Variants in RGS3 observed in about 807,000 individuals in gnomAD.
RGS3 encodes the protein regulator of G protein signaling 3, also known as regulator of G-protein signalling 3.
RGS3 carries 80 observed loss-of-function variants against 132.6 expected under a neutral mutation model. The observed-to-expected ratio is 0.60, with a 90% confidence interval of 0.50 to 0.73. The LOEUF (loss-of-function observed/expected upper bound fraction) is 0.73. Ranked by LOEUF, RGS3 falls within the 30% of genes least tolerant of loss-of-function variation. RGS3 has a pLI of 0.00. For missense variants in RGS3, 1,382 were observed against 1,530.8 expected, an observed-to-expected ratio of 0.90 and a Z score of 1.62; for synonymous variants, 598 against 620.6, an observed-to-expected ratio of 0.96 and a Z score of 0.54.
intron 1 of RGS3, among the ~76,000 whole-genome samples, chr9:113,450,895 C>G (rs1048687242): frequency 6.6e-6 from 1 of 151,726 alleles, no homozygotes; most frequent in Non-Finnish European, 1.5e-5. Flanking sequence ...TAAGGGGTCC[C>G]CAGGCCGGGC....
Position 113,565,534 on chromosome 9 carries a change from G to A in RGS3, c.2038-17916G>A, listed in dbSNP as rs997805840. 1.8e-5 allele frequency: 8 copies of A among 447,756 alleles called. No homozygotes were observed. The highest frequency in any genetic ancestry group is 2.7e-5 in the Non-Finnish European group (7 of 260,632). 27.7% of individuals were successfully genotyped at this position (447,756 alleles called of 1,614,324 possible). On this transcript the variant is annotated intron_variant, in intron 19 of 24. Coordinates refer to ENST00000350696, the Ensembl canonical transcript of RGS3. This position sits in a 1 kb window ranked among gnomAD's most constrained non-coding sequence, Gnocchi z 5.7. ...TCCTAGCAGGTATCGCTCCCCTGGG[G>A]AACTTGGGTAAGTCCATAAATAGCT...
Position 113,506,246 on chromosome 9 carries a change from A to G in RGS3, c.980-142A>G. Reference sequence around the variant, plus strand: ...AAGGCTCTTGAGAGGCACCAAGTTCAGTCCCTCATTTCACGGATGAAGAAA... The same window carrying G: ...AAGGCTCTTGAGAGGCACCAAGTTCGGTCCCTCATTTCACGGATGAAGAAA... On this transcript the variant is annotated intron_variant, in intron 11 of 24. Coordinates refer to ENST00000350696, the Ensembl canonical transcript of RGS3. This position sits in a 1 kb window ranked among gnomAD's most constrained non-coding sequence, Gnocchi z 4.7. 1 of 611,390 alleles carries G rather than the reference A, an allele frequency of 1.6e-6. No individual in the cohort carries two copies. Among genetic ancestry groups the G allele is most frequent in the Non-Finnish European group, 3.0e-6 (1 of 336,798 alleles). The allele number at this position is 611,390 out of a possible 1,614,324, so 37.9% of individuals were successfully genotyped here.
chr9:113,489,350 C>T (rs553957274), intron 7 of RGS3, among the ~76,000 whole-genome samples: 32 of 152,254 alleles, frequency 2.1e-4, no homozygotes, highest in African/African-American at 7.2e-4. Context: ...GATAGGGTGC[C>T]GTGAAAACAA....
intron 13 of RGS3, among the ~76,000 whole-genome samples, chr9:113,508,218 C>A (rs1327321950): frequency 6.6e-6 from 1 of 152,314 alleles, no homozygotes; most frequent in East Asian, 1.9e-4. Context: ...CTAATGGGGG[C>A]ACACTTTAGG....
At chr9:113,538,883 C>T (rs76851116) in intron 19 of RGS3, among the ~76,000 whole-genome samples, 4 of 152,186 alleles carry the variant, frequency 2.6e-5, no homozygotes, top group African/African-American at 9.6e-5. Flanking sequence ...TGGCATACCC[C>T]ACTTGGGCCA....
At chr9:113,462,443 G>A (rs1829498946) in intron 3 of RGS3, among the ~76,000 whole-genome samples, 1 of 152,194 alleles carries the variant, frequency 6.6e-6, no homozygotes, top group African/African-American at 2.4e-5. Flanking sequence ...GCTCCTCGCT[G>A]GTGGCCACCT....
At chr9:113,568,293 G>A (rs1336626617) in intron 19 of RGS3, among the ~76,000 whole-genome samples, 1 of 152,174 alleles carries the variant, frequency 6.6e-6, no homozygotes. Context: ...TGGACCTTCG[G>A]GCTCACTGAC....
Position 113,469,901 on chromosome 9 carries a change from T to A in RGS3, c.415+7700T>A, listed in dbSNP as rs1000669788. On this transcript the variant is annotated intron_variant, in intron 3 of 24. Transcript: ENST00000350696. ...TACTTGATGCCTCAGCATATAGTTG[T>A]TTTTTTTTTTTTTTGTCGTTGTTGT... Among the ~76,000 whole-genome samples, 8 of 128,626 alleles carry A rather than the reference T, an allele frequency of 6.2e-5. No individual in the cohort carries two copies. In the Admixed American group the frequency reaches 6.6e-4, roughly 11 times the overall value. The allele number at this position is 128,626 out of a possible 152,430, so 84.4% of individuals were successfully genotyped here. A position where few individuals can be genotyped will look rare whatever the true frequency, so the allele number is the denominator to read the frequency against.
At chr9:113,452,282 C>T (rs1011059084) in intron 1 of RGS3, among the ~76,000 whole-genome samples, 5 of 152,144 alleles carry the variant, frequency 3.3e-5, no homozygotes, top group African/African-American at 1.2e-4. Flanking sequence ...GGATTACAGG[C>T]ATGAACCACT....
intron 18 of RGS3, 98 bp downstream of exon 16, chr9:113,529,362 C>A: frequency 9.5e-7 from 1 of 1,051,420 alleles, no homozygotes; most frequent in Non-Finnish European, 1.5e-6. Context: ...TGATGCCAGC[C>A]TCCATACCCA....
chr9:113,546,767 C>G (rs553558116), intron 19 of RGS3, among the ~76,000 whole-genome samples: 71 of 152,268 alleles, frequency 4.7e-4, no homozygotes, highest in African/African-American at 1.6e-3. Flanking sequence ...GGGGAATTCC[C>G]AGAGGGAAAG....
At chr9:113,583,247 A>G in intron 19 of RGS3, 1 of 882,814 alleles carries the variant, frequency 1.1e-6, no homozygotes. Flanking sequence ...TTGATGGAGC[A>G]GAAAGTTCAA....
At position 113,565,338 on chromosome 9, in the gene RGS3, G is replaced by A; in HGVS notation, c.2038-18112G>A. 7.8e-7 allele frequency: 1 copy of A among 1,289,862 alleles called. No individual in the cohort carries two copies. The highest frequency in any genetic ancestry group is 1.0e-6 in the Non-Finnish European group (1 of 988,832). The allele number at this position is 1,289,862 out of a possible 1,614,324, so 79.9% of individuals were successfully genotyped here. A position where few individuals can be genotyped will look rare whatever the true frequency, so the allele number is the denominator to read the frequency against. ...GAAAGAAATCCAGCCTCTCTCCAGAGTGGCGGTGGCCGGCTAGACAGGGTG... is the reference window on the plus strand; with the variant it reads ...GAAAGAAATCCAGCCTCTCTCCAGAATGGCGGTGGCCGGCTAGACAGGGTG... On this transcript the variant is annotated intron_variant, in intron 19 of 24. Coordinates refer to ENST00000350696, the Ensembl canonical transcript of RGS3. The surrounding 1 kb of genome is among the most constrained non-coding windows in gnomAD (Gnocchi z 5.7).
chr9:113,487,007 T>G (rs1830351515), intron 7 of RGS3, among the ~76,000 whole-genome samples: 1 of 150,812 alleles, frequency 6.6e-6, no homozygotes, highest in Non-Finnish European at 1.5e-5. Context: ...GAGCTGAGAG[T>G]GAGGAGGGGG....
chr9:113,506,461 C>T lies in RGS3; in HGVS notation c.1053C>T (p.His351=). 1 of 1,597,498 alleles carries T rather than the reference C, an allele frequency of 6.3e-7. No individual in the cohort carries two copies. The highest frequency in any genetic ancestry group is 8.5e-7 in the Non-Finnish European group (1 of 1,173,380). Residue 351 remains histidine, a synonymous_variant, in exon 12 of 25, where the codon CAC becomes CAT. Coordinates refer to ENST00000350696, the Ensembl canonical transcript of RGS3. The surrounding 1 kb of genome is among the most constrained non-coding windows in gnomAD (Gnocchi z 4.7). ...AGCTGAATGAGAGGCCTGTGGAGCA[C>T]TGGAAATGTGTGGAGCTGGCCCACG...
At chr9:113,487,991 A>C (rs943832528) in intron 7 of RGS3, among the ~76,000 whole-genome samples, 8 of 152,124 alleles carry the variant, frequency 5.3e-5, no homozygotes, top group African/African-American at 1.9e-4. Flanking sequence ...GGTGTTTGGG[A>C]ATGTCTGGCC....
chr9:113,492,348 T>C (rs1475594571), intron 7 of RGS3, among the ~76,000 whole-genome samples: 1 of 152,224 alleles, frequency 6.6e-6, no homozygotes, highest in Non-Finnish European at 1.5e-5. Context: ...TTCCAGCCTG[T>C]GAGCCCTAAA....
chr9:113,518,247 G>A (rs1831772842), intron 16 of RGS3, among the ~76,000 whole-genome samples: 2 of 152,216 alleles, frequency 1.3e-5, no homozygotes, highest in Admixed American at 1.3e-4. Flanking sequence ...GGAGCCCTGG[G>A]CTCTGCCCTG....
At chr9:113,570,956 C>T (rs146869805) in intron 19 of RGS3, among the ~76,000 whole-genome samples, 6 of 152,308 alleles carry the variant, frequency 3.9e-5, no homozygotes, top group African/African-American at 1.2e-4. Flanking sequence ...CTTCTCTCAT[C>T]GATGAGCGTA....
Sources: allele counts gnomAD v4.1 joint callset (sites outside exome capture counted in the v4.1 genomes callset), GRCh38; gene constraint gnomAD v4.1.1; non-coding constraint Gnocchi (gnomAD v3.1); transcripts MANE v1.5; gene names NCBI Gene and HGNC (gene_info 2026-07-23, HGNC 2026-07-21).